The following TMPRSS4 variants were observed in gnomAD, a reference collection of about 807,000 sequenced individuals.
TMPRSS4 encodes the protein transmembrane serine protease 4.
Under a neutral mutation model 56.4 loss-of-function variants are expected in TMPRSS4, and 45 were observed. The observed-to-expected ratio is 0.80, with a 90% confidence interval of 0.63 to 1.02. TMPRSS4 has a LOEUF of 1.02. TMPRSS4 is among the 50% of genes least tolerant of loss of function. TMPRSS4 has a pLI of 0.00. For synonymous variants in TMPRSS4, 205 were observed against 211.0 expected (o/e 0.97, Z 0.25); for missense variants, 546 against 556.7 (o/e 0.98, Z 0.19).
chr11:118,104,392 T>C (rs1312057662), intron 4 of TMPRSS4, among the ~76,000 whole-genome samples: 2 of 151,942 alleles, frequency 1.3e-5, no homozygotes, highest in African/African-American at 4.9e-5. Context: ...GACCACATAA[T>C]TGATCATCAA....
At chr11:118,111,194 G>A (rs1447166374) in intron 7 of TMPRSS4, among the ~76,000 whole-genome samples, 10 of 152,198 alleles carry the variant, frequency 6.6e-5, no homozygotes, top group African/African-American at 2.4e-4. Context: ...GGACCTGAGG[G>A]CTTTACAGGA....
chr11:118,091,440 G>A (rs1449392494), intron 1 of TMPRSS4, among the ~76,000 whole-genome samples: 1 of 151,964 alleles, frequency 6.6e-6, no homozygotes, highest in Non-Finnish European at 1.5e-5. Context: ...TCTCACCCTG[G>A]ATTACTCCCT....
chr11:118,112,260 C>T (rs1485924653), intron 8 of TMPRSS4, among the ~76,000 whole-genome samples: 1 of 151,764 alleles, frequency 6.6e-6, no homozygotes, highest in Non-Finnish European at 1.5e-5. Flanking sequence ...GGTCTAGAGT[C>T]ATAGCCACGT....
At chr11:118,108,725 C>A in intron 6 of TMPRSS4, 131 bp from the exon 7 acceptor site, 1 of 809,424 alleles carries the variant, frequency 1.2e-6, no homozygotes, top group South Asian at 1.7e-5. Flanking sequence ...TCCAAATGTT[C>A]CCCACTGTGC....
chr11:118,099,679 C>G (rs1409881329), intron 3 of TMPRSS4, among the ~76,000 whole-genome samples: 1 of 152,140 alleles, frequency 6.6e-6, no homozygotes, highest in Admixed American at 6.5e-5. Flanking sequence ...ACGCCCCCTG[C>G]CCCCTCCTTC....
chr11:118,093,445 A>C (rs1946093246), intron 1 of TMPRSS4, among the ~76,000 whole-genome samples: 1 of 152,182 alleles, frequency 6.6e-6, no homozygotes, highest in African/African-American at 2.4e-5. Context: ...AGAGGGCATA[A>C]ACCCAGACAG....
chr11:118,079,331 C>T (rs1944950035), intron 1 of TMPRSS4, among the ~76,000 whole-genome samples: 1 of 152,160 alleles, frequency 6.6e-6, no homozygotes, highest in Non-Finnish European at 1.5e-5. Flanking sequence ...CTCCTTCCAT[C>T]CCCACAGGCC....
Position 118,117,388 on chromosome 11 carries a change from C to T in TMPRSS4, c.1236C>T (p.Gly412=). 6.2e-7 allele frequency: 1 copy of T among 1,614,076 alleles called. No homozygotes were observed. The highest frequency in any genetic ancestry group is 8.5e-7 in the Non-Finnish European group (1 of 1,179,996). Residue 412 remains glycine, a synonymous_variant, in exon 12 of 13, where the codon GGC becomes GGT. Coordinates refer to ENST00000437212, the MANE Select transcript of TMPRSS4 (RefSeq NM_019894.4). ...TTAGTTGGGGCTATGGCTGCGGGGG[C>T]CCGAGCACCCCAGGAGTATACACCA... The part of the protein sequence containing the change: ...GIVSWGYGCG[G]PSTPGVYTKV...
At chr11:118,108,823 C>T (rs1947130452) in intron 6 of TMPRSS4, 33 bp from the exon 7 acceptor site, 2 of 1,613,152 alleles carry the variant, frequency 1.2e-6, no homozygotes, top group Non-Finnish European at 1.7e-6. Context: ...GAGGAAGAAG[C>T]TTAAATCACA....
intron 4 of TMPRSS4, 37 bp from the exon 5 acceptor site, chr11:118,104,654 C>T (rs755747618): frequency 6.2e-7 from 1 of 1,613,680 alleles, no homozygotes; most frequent in African/African-American, 1.3e-5. Flanking sequence ...CCAGTTGGGC[C>T]CCCCGTTCCA....
chr11:118,124,528 T>C (rs528564656), downstream of TMPRSS4, among the ~76,000 whole-genome samples: 18 of 152,368 alleles, frequency 1.2e-4, no homozygotes, highest in South Asian at 6.2e-4. Flanking sequence ...CTTTTCTGTA[T>C]ATTTGAAAAT....
At chr11:118,090,498 C>T (rs756997881) in intron 1 of TMPRSS4, among the ~76,000 whole-genome samples, 1 of 151,690 alleles carries the variant, frequency 6.6e-6, no homozygotes, top group South Asian at 2.1e-4. Context: ...TATTAAGAGC[C>T]AGGCATTGTG....
At chr11:118,079,522 G>T (rs1170611216) in intron 1 of TMPRSS4, among the ~76,000 whole-genome samples, 1 of 152,238 alleles carries the variant, frequency 6.6e-6, no homozygotes, top group Non-Finnish European at 1.5e-5. Context: ...CCATAGCTGA[G>T]GCCTGGAGGG....
chr11:118,115,236 A>G lies in TMPRSS4; in HGVS notation c.1108A>G (p.Met370Val). The change falls in exon 11 of 13, where the codon ATG (methionine) becomes GTG (valine). Residue 370 changes from methionine (M) to valine (V), a missense_variant. By Grantham distance (21) the Met-to-Val change is conservative. Coordinates refer to ENST00000437212, the MANE Select transcript of TMPRSS4 (RefSeq NM_019894.4). ...DAYQGEVTEK[M>V]MCAGIPEGGV... ...GTACCAGGGGGAAGTCACCGAGAAG[A>G]TGATGTGTGCAGGCATCCCGGAAGG... 9.3e-6 allele frequency: 15 copies of G among 1,612,986 alleles called. No homozygotes were observed. The highest frequency in any genetic ancestry group is 1.2e-5 in the Non-Finnish European group (14 of 1,179,902).
At chr11:118,097,150 C>T (rs927112601) in intron 2 of TMPRSS4, among the ~76,000 whole-genome samples, 3 of 149,850 alleles carry the variant, frequency 2.0e-5, no homozygotes, top group African/African-American at 7.4e-5. Flanking sequence ...TGAGCAATTG[C>T]TGTGGACCAA....
chr11:118,077,876 G>A (rs1278342751), intron 1 of TMPRSS4, among the ~76,000 whole-genome samples: 3 of 151,994 alleles, frequency 2.0e-5, no homozygotes, highest in Admixed American at 2.0e-4. Flanking sequence ...AGCCAGGCGT[G>A]GTGGCAGGTG....
chr11:118,115,417 G>C, intron 11 of TMPRSS4, 137 bp downstream of exon 11: 1 of 1,107,624 alleles, frequency 9.0e-7, no homozygotes, highest in Non-Finnish European at 1.3e-6. Context: ...GGGAGGAAGA[G>C]AGGGAGGGAA....
chr11:118,113,156 C>T, intron 8 of TMPRSS4, 113 bp from the exon 9 acceptor site: 3 of 1,058,086 alleles, frequency 2.8e-6, no homozygotes, highest in Non-Finnish European at 2.7e-6. Flanking sequence ...ATCATCTTTC[C>T]TCCCAAGGCA....
intron 1 of TMPRSS4, among the ~76,000 whole-genome samples, chr11:118,079,578 T>C (rs1944969576): frequency 1.3e-5 from 2 of 152,230 alleles, no homozygotes; most frequent in Non-Finnish European, 2.9e-5. Flanking sequence ...GACTCATTAC[T>C]GTTCCGGAGA....
Sources: allele counts gnomAD v4.1 joint callset (sites outside exome capture counted in the v4.1 genomes callset), GRCh38; gene constraint gnomAD v4.1.1; transcripts MANE v1.5; gene names NCBI Gene and HGNC (gene_info 2026-07-23, HGNC 2026-07-21).